Variants in HGS observed in about 807,000 individuals in gnomAD.
HGS encodes human growth factor-regulated tyrosine kinase substrate.
In HGS, 63 loss-of-function variants were observed where a neutral mutation model predicts 109.7. The observed-to-expected ratio is 0.57, with a 90% confidence interval of 0.47 to 0.71. The LOEUF (loss-of-function observed/expected upper bound fraction) is 0.71. Among genes scored for constraint, HGS ranks in the 30% least tolerant of loss-of-function variants. The probability of loss-of-function intolerance (pLI) is 0.00; values close to 1 mark genes in which losing one functional copy is unlikely to be tolerated. For synonymous variants in HGS, 546 were observed against 437.3 expected (o/e 1.25, Z -3.10); for missense variants, 995 against 1,068.3 (o/e 0.93, Z 0.96).
At chr17:81,697,116 GT>G in intron 18 of HGS, 118 bp downstream of exon 18, 1 of 1,109,094 alleles carries the variant, frequency 9.0e-7, no homozygotes, top group African/African-American at 1.6e-5. Context: ...CGATGTGAAT[GT>G]TGTCCCTGCT....
At chr17:81,685,076 T>C in intron 1 of HGS, 1 of 985,304 alleles carries the variant, frequency 1.0e-6, no homozygotes. Context: ...ACAGGTATGC[T>C]GGCGAGTCCT....
intron 7 of HGS, chr17:81,690,967 A>G (rs1568214425): frequency 1.9e-6 from 1 of 530,140 alleles, no homozygotes; most frequent in Non-Finnish European, 3.3e-6. Flanking sequence ...CTGGAATTAT[A>G]ATGTTTTAAA....
At position 81,687,050 on chromosome 17, in the gene HGS, G is replaced by T; in HGVS notation, c.246G>T (p.Glu82Asp). 6.2e-7 allele frequency: 1 copy of T among 1,613,444 alleles called. No homozygotes were observed. Among genetic ancestry groups the T allele is most frequent in the African/African-American group, 1.3e-5 (1 of 75,056 alleles). Reference protein sequence around the residue: ...VKNCGQTVHDEVANKQTMEEL... With the variant: ...VKNCGQTVHDDVANKQTMEEL... Reference sequence around the variant, plus strand: ...ACTGTGGCCAGACAGTTCATGATGAGGTGGCCAACAAGCAGACCATGGAGG... The same window carrying T: ...ACTGTGGCCAGACAGTTCATGATGATGTGGCCAACAAGCAGACCATGGAGG... The change falls in exon 4 of 22, where the codon GAG becomes GAT. Residue 82 changes from glutamate (E) to aspartate (D), a missense_variant. Physicochemically the swap from Glu to Asp is conservative, Grantham distance 45. Coordinates refer to ENST00000329138, the MANE Select transcript of HGS (RefSeq NM_004712.5).
At chr17:81,701,022 C>T (rs774783558) in intron 20 of HGS, 23 bp from the exon 21 acceptor site, 17 of 1,605,320 alleles carry the variant, frequency 1.1e-5, no homozygotes, top group Admixed American at 1.7e-5. Flanking sequence ...TACTCTCTCA[C>T]ATCTGACGTC....
At position 81,690,745 on chromosome 17, in the gene HGS, G is replaced by A. The variant is rs2037050693; in HGVS notation, c.537+3G>A. ...AGTTCGGGGTGATGACCCGTAAGGT[G>A]AGTTCCCACCTGGGGGGCTCTACAG... On this transcript the variant is annotated splice_donor_region_variant and intron_variant, in intron 7 of 21. Coordinates refer to ENST00000329138, the MANE Select transcript of HGS (RefSeq NM_004712.5). 1 of 1,611,868 alleles carries A rather than the reference G, an allele frequency of 6.2e-7. No homozygotes were observed. The highest frequency in any genetic ancestry group is 2.2e-5 in the East Asian group (1 of 44,790).
intron 6 of HGS, 101 bp from the exon 7 acceptor site, chr17:81,690,573 T>C: frequency 8.6e-7 from 1 of 1,166,804 alleles, no homozygotes; most frequent in Non-Finnish European, 1.2e-6. Flanking sequence ...CGTGCTGGGG[T>C]CCTCTCTGGG....
At chr17:81,701,017 T>C (rs769172002) in intron 20 of HGS, 28 bp from the exon 21 acceptor site, 3 of 1,600,640 alleles carry the variant, frequency 1.9e-6, no homozygotes, top group Admixed American at 3.3e-5. Context: ...AGGGCTACTC[T>C]CTCACATCTG....
Position 81,690,724 on chromosome 17 carries a change from C to A in HGS, c.519C>A (p.Phe173Leu). ...AATGCCACCGCTGCAGGGTGCAGTT[C>A]GGGGTGATGACCCGTAAGGTGAGTT... ...AEECHRCRVQ[F>L]GVMTRKHHCR... The change falls in exon 7 of 22, where the codon TTC becomes TTA. Residue 173 changes from phenylalanine (F) to leucine (L), a missense_variant. Coordinates refer to ENST00000329138, the MANE Select transcript of HGS (RefSeq NM_004712.5). 6.2e-7 allele frequency: 1 copy of A among 1,613,094 alleles called. No individual in the cohort carries two copies. Among genetic ancestry groups the A allele is most frequent in the Non-Finnish European group, 8.5e-7 (1 of 1,179,742 alleles).
chr17:81,694,675 C>T, intron 11 of HGS, 140 bp from the exon 12 acceptor site: 4 of 934,082 alleles, frequency 4.3e-6, no homozygotes, highest in South Asian at 4.2e-5. Context: ...GCTCAGATGC[C>T]AGGAACCAGA....
chr17:81,690,743 G>A lies in HGS; in HGVS notation c.537+1G>A, dbSNP rs1318985260. 3 of 1,612,330 alleles carry A rather than the reference G, an allele frequency of 1.9e-6. No individual in the cohort carries two copies. Among genetic ancestry groups the A allele is most frequent in the African/African-American group, 1.3e-5 (1 of 74,894 alleles). On this transcript the variant is annotated splice_donor_variant, in intron 7 of 21. Transcript: ENST00000329138. LOFTEE classifies it high-confidence loss of function. Reference sequence around the variant, plus strand: ...GCAGTTCGGGGTGATGACCCGTAAGGTGAGTTCCCACCTGGGGGGCTCTAC... The same window carrying A: ...GCAGTTCGGGGTGATGACCCGTAAGATGAGTTCCCACCTGGGGGGCTCTAC...
chr17:81,688,397 T>TG (rs1440206810), intron 4 of HGS, among the ~76,000 whole-genome samples: 7 of 152,124 alleles, frequency 4.6e-5, no homozygotes. Context: ...TCCTGCCTGT[T>TG]GGAGGCTGAC....
At chr17:81,695,364 C>A (rs866489146) in intron 14 of HGS, 141 bp downstream of exon 14, 2 of 841,442 alleles carry the variant, frequency 2.4e-6, no homozygotes, top group Non-Finnish European at 1.9e-6. Context: ...CCTGGCCTGC[C>A]CTGCCCTGCC....
At position 81,701,530 on chromosome 17, in the gene HGS, C is replaced by G. The variant is rs1442288602; in HGVS notation, c.2246C>G (p.Pro749Arg). ...YQQMAPSGGPPQQQPPVAQQP... is the reference protein window; with the variant it reads ...YQQMAPSGGPRQQQPPVAQQP... Reference sequence around the variant, plus strand: ...CAGATGGCACCCTCTGGCGGTCCCCCCCAGCAGCAGCCCCCCGTGGCCCAG... The same window carrying G: ...CAGATGGCACCCTCTGGCGGTCCCCGCCAGCAGCAGCCCCCCGTGGCCCAG... The change falls in exon 22 of 22, where the codon CCC becomes CGC. Residue 749 changes from proline to arginine, a missense_variant. Physicochemically the swap from Pro to Arg is moderately radical, Grantham distance 103 (BLOSUM62 -2). This residue lies in a region of HGS where 326 missense variants were observed against 309.7 expected (regional missense o/e 1.05). Coordinates refer to ENST00000329138, the MANE Select transcript of HGS (RefSeq NM_004712.5). 1.3e-6 allele frequency: 2 copies of G among 1,562,574 alleles called. No homozygotes were observed. Among genetic ancestry groups the G allele is most frequent in the African/African-American group, 1.4e-5 (1 of 73,866 alleles).
chr17:81,700,968 A>G, intron 20 of HGS, 77 bp from the exon 21 acceptor site: 2 of 1,546,466 alleles, frequency 1.3e-6, no homozygotes, highest in South Asian at 2.2e-5. Flanking sequence ...TCACCTTTGG[A>G]TTGTTGCAAG....
intron 4 of HGS, 34 bp from the exon 5 acceptor site, chr17:81,688,670 C>G: frequency 2.5e-6 from 4 of 1,611,370 alleles, no homozygotes; most frequent in Non-Finnish European, 3.4e-6. Context: ...CCTGGAGTGT[C>G]CTGCGACCCT....
rs1455784854 is a variant in HGS at position 81,695,926 on chromosome 17, C to G, written c.1320C>G (p.Leu440=). The change falls in exon 15 of 22, where the codon CTC becomes CTG. Residue 440 remains leucine, a synonymous_variant. Coordinates refer to ENST00000329138, the MANE Select transcript of HGS (RefSeq NM_004712.5). ...GCATCACCAATGACTCGGCCGTGCT[C>G]TCACTCTTCCAGTCCATCAACGGCA... is the stretch of plus-strand genomic sequence containing the variant. ...GRSITNDSAV[L]SLFQSINGMH... is the part of the protein sequence containing the mutation. 2.7e-5 allele frequency: 44 copies of G among 1,601,660 alleles called. No individual in the cohort carries two copies. Among genetic ancestry groups the G allele is most frequent in the Non-Finnish European group, 3.3e-5 (39 of 1,172,178 alleles).
At position 81,695,011 on chromosome 17, in the gene HGS, A is replaced by G. The variant is rs1473506935; in HGVS notation, c.1063A>G (p.Thr355Ala). The change falls in exon 13 of 22, where the codon ACG becomes GCG. Residue 355 changes from threonine to alanine, a missense_variant. Around this residue, in one of 6 missense-constraint regions of HGS, gnomAD observed 300 missense variants for 235.4 expected, o/e 1.27. Coordinates refer to ENST00000329138, the MANE Select transcript of HGS (RefSeq NM_004712.5). ...CACGCCATCTGCGCCCGTGCCCCTG[A>G]CGGAGCCGGCTGCACAGCCTGGGGA... ...SPTPSAPVPL[T>A]EPAAQPGEGH... 1 of 1,613,918 alleles carries G rather than the reference A, an allele frequency of 6.2e-7. No individual in the cohort carries two copies. Among genetic ancestry groups the G allele is most frequent in the African/African-American group, 1.3e-5 (1 of 74,928 alleles).
At position 81,695,966 on chromosome 17, in the gene HGS, C is replaced by G; in HGVS notation, c.1360C>G (p.Leu454Val). ...CATCAACGGCATGCACCCGCAGCTG[C>G]TGGAGCTGCTCAACCAGCTGGACGA... ...QSINGMHPQL[L>V]ELLNQLDERR... The change falls in exon 15 of 22, where the codon CTG (leucine) becomes GTG (valine). Residue 454 changes from leucine to valine, a missense_variant. Transcript: ENST00000329138. 6.4e-7 allele frequency: 1 copy of G among 1,570,464 alleles called. No individual in the cohort carries two copies. Among genetic ancestry groups the G allele is most frequent in the South Asian group, 1.2e-5 (1 of 84,160 alleles).
rs201457650 is a variant in HGS, at chr17:81,687,032, C to T, written c.228C>T (p.Gly76=). Reference sequence around the variant, plus strand: ...TGGAATCTGTGGTAAAGAACTGTGGCCAGACAGTTCATGATGAGGTGGCCA... The same window carrying T: ...TGGAATCTGTGGTAAAGAACTGTGGTCAGACAGTTCATGATGAGGTGGCCA... ...EVMESVVKNC[G]QTVHDEVANK... The change falls in exon 4 of 22, where the codon GGC becomes GGT. Residue 76 remains glycine (G), a synonymous_variant. Coordinates refer to ENST00000329138, the MANE Select transcript of HGS (RefSeq NM_004712.5). The T allele has an allele frequency of 2.2e-4, 348 of 1,613,168 alleles. No homozygotes were observed. Among genetic ancestry groups the T allele is most frequent in the Non-Finnish European group, 2.6e-4 (311 of 1,179,874 alleles).
Sources: allele counts gnomAD v4.1 joint callset (sites outside exome capture counted in the v4.1 genomes callset), GRCh38; gene constraint gnomAD v4.1.1; regional missense constraint gnomAD v4.1.1; transcripts MANE v1.5; gene names NCBI Gene and HGNC (gene_info 2026-07-23, HGNC 2026-07-21).